PDE10A: variants seen among roughly 807,000 people sequenced by gnomAD.
The protein encoded by PDE10A is cAMP and cAMP-inhibited cGMP 3',5'-cyclic phosphodiesterase 10A.
In PDE10A, 39 loss-of-function variants were observed where a neutral mutation model predicts 97.7. The observed-to-expected ratio is 0.40, with a 90% CI of 0.31 to 0.52. PDE10A has a LOEUF of 0.52. PDE10A is among the 20% of genes least tolerant of loss of function. The probability of loss-of-function intolerance (pLI) is 0.56; values close to 1 mark genes in which losing one functional copy is unlikely to be tolerated. For synonymous variants in PDE10A, 371 were observed against 376.8 expected (o/e 0.98, Z 0.18); for missense variants, 731 against 1,047.8 (o/e 0.70, Z 4.17).
At chr6:165,680,339 G>A (rs778911115) in intron 1 of PDE10A, among the ~76,000 whole-genome samples, 4 of 152,216 alleles carry the variant, frequency 2.6e-5, no homozygotes, top group Non-Finnish European at 5.9e-5. Context: ...CCATTCAGCT[G>A]TAGCAACCTC....
At chr6:165,486,669 G>C (rs1779942377) in intron 2 of PDE10A, among the ~76,000 whole-genome samples, 1 of 152,220 alleles carries the variant, frequency 6.6e-6, no homozygotes, top group African/African-American at 2.4e-5. Context: ...CTTTCTAAAG[G>C]TAGATTGCTG....
intron 1 of PDE10A, among the ~76,000 whole-genome samples, chr6:165,970,000 C>G (rs895266021): frequency 6.6e-6 from 1 of 151,176 alleles, no homozygotes; most frequent in Non-Finnish European, 1.5e-5. Flanking sequence ...CTAACTTAAG[C>G]TAGTGACCAA....
chr6:165,476,251 C>T (rs571693153), intron 3 of PDE10A, among the ~76,000 whole-genome samples: 28 of 151,198 alleles, frequency 1.9e-4, no homozygotes, highest in East Asian at 3.9e-4. Context: ...TCGTGTGAGA[C>T]GGAAGATATG....
intron 1 of PDE10A, among the ~76,000 whole-genome samples, chr6:165,964,220 G>T (rs1784440791): frequency 6.6e-6 from 1 of 152,232 alleles, no homozygotes; most frequent in South Asian, 2.1e-4. Flanking sequence ...CTGCTCCATT[G>T]TCCTCCCTAA....
At chr6:165,367,087 C>T (rs549715365) in intron 18 of PDE10A, among the ~76,000 whole-genome samples, 5 of 152,060 alleles carry the variant, frequency 3.3e-5, no homozygotes, top group Admixed American at 3.3e-4. Context: ...AAATAATGTA[C>T]AGATACGCTA....
chr6:165,866,419 T>TTTTTTTTTTTTTTTTTTTTTTGAGACG (rs1163019239), intron 1 of PDE10A, among the ~76,000 whole-genome samples: 1 of 151,382 alleles, frequency 6.6e-6, no homozygotes, highest in East Asian at 1.9e-4. Flanking sequence ...AATGAATTTC[T>TTTTTTTTTTTTTTTTTTTTTTGAGACG]GTTAATTCAT....
chr6:165,545,684 T>G (rs566530780), intron 1 of PDE10A, among the ~76,000 whole-genome samples: 1 of 148,310 alleles, frequency 6.7e-6, no homozygotes, highest in African/African-American at 2.6e-5. Flanking sequence ...TTGTTAATCA[T>G]GAATTGAAGT....
intron 1 of PDE10A, among the ~76,000 whole-genome samples, chr6:165,706,817 C>CA (rs1406412584): frequency 1.3e-5 from 2 of 152,086 alleles, no homozygotes; most frequent in Non-Finnish European, 2.9e-5. Context: ...TGGTTTCATT[C>CA]AAAGAAAAGC....
At chr6:165,606,105 G>A (rs939821940) in intron 1 of PDE10A, among the ~76,000 whole-genome samples, 2 of 147,074 alleles carry the variant, frequency 1.4e-5, no homozygotes, top group Admixed American at 6.9e-5. Context: ...CAGTCATTAG[G>A]AGTCACACAG....
intron 1 of PDE10A, among the ~76,000 whole-genome samples, chr6:165,761,700 A>C (rs57448258): frequency 0.14 from 21,395 of 152,130 alleles, 2,326 homozygotes; most frequent in African/African-American, 0.3. Flanking sequence ...AAATAATACA[A>C]ATTGCAAATT....
At chr6:165,855,069 C>T (rs1411182841) in intron 1 of PDE10A, among the ~76,000 whole-genome samples, 5 of 152,060 alleles carry the variant, frequency 3.3e-5, no homozygotes. Context: ...GACGGGCCAG[C>T]CCTGGACACC....
Position 165,526,791 on chromosome 6 carries a change from T to C in PDE10A, c.994+16649A>G, listed in dbSNP as rs182256656. 2.3e-3 allele frequency among the ~76,000 whole-genome samples: 346 copies of C among 152,356 alleles called. 4 individuals carry two copies. The highest frequency in any genetic ancestry group is 5.2e-3 in the East Asian group (27 of 5,180). ...GACTTAGCAAATGCCTTTTTCTCCA[T>C]TCCTGTCCATAAGGCCCAGCAGAAG... On this transcript the variant is annotated intron_variant, in intron 2 of 21. Transcript: ENST00000539869.
At chr6:165,680,713 G>A (rs1443484925) in intron 1 of PDE10A, among the ~76,000 whole-genome samples, 1 of 152,152 alleles carries the variant, frequency 6.6e-6, no homozygotes, top group Non-Finnish European at 1.5e-5. Flanking sequence ...AGACCAGCCT[G>A]GCCAACATGG....
chr6:165,791,811 T>C (rs1215103509), intron 1 of PDE10A, among the ~76,000 whole-genome samples: 1 of 152,216 alleles, frequency 6.6e-6, no homozygotes, highest in East Asian at 1.9e-4. Context: ...CTTTGCTAGC[T>C]TGTAGGGACA....
intron 1 of PDE10A, among the ~76,000 whole-genome samples, chr6:165,740,767 C>T (rs1792701374): frequency 6.6e-6 from 1 of 152,128 alleles, no homozygotes; most frequent in Non-Finnish European, 1.5e-5. Context: ...ACCTCACTTA[C>T]ACGTAGAATC....
chr6:165,598,882 T>C (rs944309777), intron 1 of PDE10A, among the ~76,000 whole-genome samples: 5 of 152,148 alleles, frequency 3.3e-5, no homozygotes, highest in Admixed American at 6.5e-5. Flanking sequence ...TTCTGCAAGA[T>C]GAGGGGACGG....
chr6:165,733,001 C>G (rs893232455), intron 1 of PDE10A, among the ~76,000 whole-genome samples: 2 of 152,206 alleles, frequency 1.3e-5, no homozygotes, highest in African/African-American at 4.8e-5. Context: ...ATGCCAGTTG[C>G]CTGTCTGGAT....
intron 5 of PDE10A, among the ~76,000 whole-genome samples, chr6:165,437,477 G>A (rs890333997): frequency 2.0e-5 from 3 of 151,948 alleles, no homozygotes; most frequent in African/African-American, 7.3e-5. Flanking sequence ...TATTTATTAC[G>A]CTTGCTGAAA....
intron 18 of PDE10A, among the ~76,000 whole-genome samples, chr6:165,375,727 A>G (rs553917191): frequency 6.6e-6 from 1 of 152,354 alleles, no homozygotes; most frequent in African/African-American, 2.4e-5. Flanking sequence ...GACTCCTGTC[A>G]GGGGCTAATG....
Sources: gnomAD v4.1 joint callset for allele counts (sites outside exome capture counted in the v4.1 genomes callset) on GRCh38, gnomAD v4.1.1 for gene constraint, MANE v1.5 for transcripts, NCBI Gene and HGNC (gene_info 2026-07-23, HGNC 2026-07-21) for gene names.